The following PCDH11Y variants were observed in gnomAD, a reference collection of about 807,000 sequenced individuals.
The protein encoded by PCDH11Y is protocadherin 11 Y-linked.
For missense variants in PCDH11Y, 12 were observed against 224.8 expected (o/e 0.05, Z 6.05); for synonymous variants, 9 against 83.6 (o/e 0.11, Z 4.87).
intron 4 of PCDH11Y, among the ~76,000 whole-genome samples, chrY:5,619,701 G>T: frequency 3.0e-5 from 1 of 33,077 alleles, no homozygotes; most frequent in Admixed American, 2.8e-4. Flanking sequence ...TAACATATAA[G>T]TCTGAGAGAT....
intron 2 of PCDH11Y, among the ~76,000 whole-genome samples, chrY:5,428,482 A>G: frequency 1.5e-4 from 5 of 32,987 alleles, no homozygotes; most frequent in African/African-American, 3.5e-4. Flanking sequence ...AGGCAATAGT[A>G]TGCATGAAGC....
intron 3 of PCDH11Y, among the ~76,000 whole-genome samples, chrY:5,511,627 G>C: frequency 3.1e-5 from 1 of 32,408 alleles, no homozygotes. Flanking sequence ...ACTCAATACA[G>C]GGTAAAAACA....
At chrY:5,140,359 A>ATTCC in intron 2 of PCDH11Y, among the ~76,000 whole-genome samples, 1 of 31,422 alleles carries the variant, frequency 3.2e-5, no homozygotes, top group South Asian at 7.2e-4. Flanking sequence ...TTGGGAAGAA[A>ATTCC]AGTAGTTTAT....
chrY:5,064,561 ACAGT>A (rs2052682142), intron 1 of PCDH11Y, among the ~76,000 whole-genome samples: 1 of 27,725 alleles, frequency 3.6e-5, no homozygotes, highest in Non-Finnish European at 8.3e-5. Context: ...TGTTTGGAAA[ACAGT>A]CAGTGTCCCC....
chrY:5,444,149 C>G, intron 2 of PCDH11Y, among the ~76,000 whole-genome samples: 1 of 32,066 alleles, frequency 3.1e-5, no homozygotes, highest in Non-Finnish European at 7.7e-5. Flanking sequence ...AGGATAAATG[C>G]TTGAGGTGAT....
At chrY:5,352,400 G>A (rs1398232292) in intron 2 of PCDH11Y, among the ~76,000 whole-genome samples, 2,565 of 32,232 alleles carry the variant, frequency 0.08, no homozygotes, top group Non-Finnish European at 0.029. Flanking sequence ...GTGATTACAG[G>A]CATAAGCCAC....
At chrY:5,350,655 G>C in intron 2 of PCDH11Y, among the ~76,000 whole-genome samples, 1 of 32,168 alleles carries the variant, frequency 3.1e-5, no homozygotes, top group Non-Finnish European at 7.5e-5. Context: ...GCAGTAAACC[G>C]AGATTGCACC....
chrY:5,678,038 T>C, intron 4 of PCDH11Y, among the ~76,000 whole-genome samples: 1 of 33,414 alleles, frequency 3.0e-5, no homozygotes, highest in African/African-American at 1.2e-4. Context: ...CTTGATTAAG[T>C]AATCATGTTT....
chrY:5,547,729 G>A, intron 3 of PCDH11Y, among the ~76,000 whole-genome samples: 1 of 32,297 alleles, frequency 3.1e-5, no homozygotes, highest in East Asian at 8.2e-4. Context: ...AGGTCGGAGT[G>A]CAGTAACATG....
intron 4 of PCDH11Y, chrY:5,634,616 T>C: frequency 1.2e-5 from 1 of 84,459 alleles, no homozygotes; most frequent in East Asian, 4.2e-4. Context: ...TTCTGCGGCT[T>C]GGTGATCAGC....
chrY:5,715,396 C>A, intron 4 of PCDH11Y, among the ~76,000 whole-genome samples: 1 of 32,073 alleles, frequency 3.1e-5, no homozygotes, highest in African/African-American at 1.2e-4. Context: ...CTGTGACCAA[C>A]ATCTTAAGAA....
intron 3 of PCDH11Y, among the ~76,000 whole-genome samples, chrY:5,520,505 T>G (rs2124690199): frequency 6.1e-5 from 2 of 32,760 alleles, no homozygotes; most frequent in Non-Finnish European, 1.5e-4. Context: ...GTATGAACAT[T>G]TCACAGAAAT....
In PCDH11Y at chrY:5,455,884, C is replaced by A. The variant is rs2124683255; in HGVS notation, c.3130-45173C>A. ...ACCAGGCCCCACCTCCAACATTAGG[C>A]ATTACAGTTCAACATGAGATTTGGG... is the stretch of plus-strand genomic sequence containing the variant. On this transcript the variant is annotated intron_variant, in intron 2 of 4. Transcript: ENST00000400457. Among the ~76,000 whole-genome samples the A allele has an allele frequency of 3.3e-4, 11 of 33,591 alleles. No homozygotes were observed. The South Asian group carries it at 6.6e-3, about 20-fold the overall frequency. The allele number at this position is 33,591 out of a possible 37,273, so 90.1% of individuals were successfully genotyped here. A position where few individuals can be genotyped will look rare whatever the true frequency, so the allele number is the denominator to read the frequency against.
chrY:5,301,488 G>A, intron 2 of PCDH11Y, among the ~76,000 whole-genome samples: 1 of 33,861 alleles, frequency 3.0e-5, no homozygotes, highest in African/African-American at 1.1e-4. Context: ...CATGCTGGAA[G>A]TATGTGTTAA....
intron 3 of PCDH11Y, among the ~76,000 whole-genome samples, chrY:5,578,906 G>A: frequency 3.0e-5 from 1 of 33,214 alleles, no homozygotes. Flanking sequence ...TTTCAAAATG[G>A]CTTCATTAAT....
chrY:5,385,515 A>G, intron 2 of PCDH11Y, among the ~76,000 whole-genome samples: 1 of 31,897 alleles, frequency 3.1e-5, no homozygotes, highest in Admixed American at 2.9e-4. Flanking sequence ...CATCAAATAT[A>G]TACCACAGAT....
At chrY:5,640,524 T>C in intron 4 of PCDH11Y, among the ~76,000 whole-genome samples, 1 of 33,701 alleles carries the variant, frequency 3.0e-5, no homozygotes, top group Non-Finnish European at 7.4e-5. Flanking sequence ...AAAACAACTT[T>C]AATCTGCTCG....
At chrY:5,190,263 T>C (rs2052910859) in intron 2 of PCDH11Y, among the ~76,000 whole-genome samples, 1 of 33,577 alleles carries the variant, frequency 3.0e-5, no homozygotes, top group Non-Finnish European at 7.4e-5. Context: ...GAAGTCATTT[T>C]TACAATTTAT....
At chrY:5,734,061 G>T (rs2053607671) in intron 4 of PCDH11Y, among the ~76,000 whole-genome samples, 1 of 32,811 alleles carries the variant, frequency 3.0e-5, no homozygotes, top group South Asian at 7.0e-4. Flanking sequence ...GCCAACAAGG[G>T]GGGTGTTGCT....
Sources: gnomAD v4.1 joint callset for allele counts (sites outside exome capture counted in the v4.1 genomes callset) on GRCh38, gnomAD v4.1.1 for gene constraint, MANE v1.5 for transcripts, NCBI Gene and HGNC (gene_info 2026-07-23, HGNC 2026-07-21) for gene names.